PPP1R9B: variants seen among roughly 807,000 people sequenced by gnomAD.
PPP1R9B encodes the protein protein phosphatase 1 regulatory subunit 9B.
PPP1R9B carries 17 observed loss-of-function variants against 75.8 expected under a neutral mutation model. The observed-to-expected ratio is 0.22, with a 90% CI of 0.15 to 0.34. PPP1R9B has a LOEUF of 0.34. Ranked by LOEUF, PPP1R9B falls within the 10% of genes least tolerant of loss-of-function variation. The pLI is 1.00. For missense variants in PPP1R9B, 875 were observed against 1,196.0 expected (o/e 0.73, Z 3.96); for synonymous variants, 509 against 535.4 (o/e 0.95, Z 0.68).
intron 3 of PPP1R9B, among the ~76,000 whole-genome samples, chr17:50,143,305 C>A (rs761645306): frequency 1.2e-4 from 18 of 152,200 alleles, no homozygotes; most frequent in Non-Finnish European, 2.2e-4. Context: ...AGGGCCCAAA[C>A]TGTACTCCAG....
intron 1 of PPP1R9B, among the ~76,000 whole-genome samples, chr17:50,147,019 C>T (rs1397888948): frequency 2.0e-5 from 3 of 152,198 alleles, no homozygotes; most frequent in Non-Finnish European, 4.4e-5. Context: ...CCTGAGTCAA[C>T]GAAACCCCTC....
chr17:50,143,509 G>A (rs1001233161), intron 3 of PPP1R9B, 89 bp downstream of exon 3: 27 of 1,480,830 alleles, frequency 1.8e-5, no homozygotes, highest in Middle Eastern at 2.2e-4. Flanking sequence ...GGGAAGGCCC[G>A]CCCCACCCCC....
intron 3 of PPP1R9B, among the ~76,000 whole-genome samples, chr17:50,143,178 T>C (rs904588999): frequency 1.2e-4 from 19 of 152,324 alleles, no homozygotes; most frequent in Admixed American, 9.8e-4. Context: ...ACTTCTCAAG[T>C]GCGCCAGGCC....
At position 50,150,484 on chromosome 17, in the gene PPP1R9B, C is replaced by A. The variant is rs1246112551; in HGVS notation, c.30G>T (p.Gly10=). The A allele has an allele frequency of 3.7e-6, 5 of 1,364,306 alleles. No homozygotes were observed. The highest frequency in any genetic ancestry group is 4.7e-6 in the Non-Finnish European group (5 of 1,054,238). 84.5% of individuals were successfully genotyped at this position (1,364,306 alleles called of 1,614,324 possible). A position where few individuals can be genotyped will look rare whatever the true frequency, so the allele number is the denominator to read the frequency against. The change falls in exon 1 of 10, where the codon GGG becomes GGT. Residue 10 remains glycine (G), a synonymous_variant. Coordinates refer to ENST00000612501, the MANE Select transcript of PPP1R9B (RefSeq NM_032595.5). The surrounding 1 kb of genome is among the most constrained non-coding windows in gnomAD (Gnocchi z 8.7). MMKTEPRGP[G]GPLRSASPHR... ...GCGGGGAGGCGCTCCGGAGGGGACC[C>A]CCGGGCCCCCGTGGCTCCGTCTTCA...
chr17:50,141,176 C>T, intron 4 of PPP1R9B, 93 bp downstream of exon 4: 1 of 842,406 alleles, frequency 1.2e-6, no homozygotes, highest in Non-Finnish European at 1.9e-6. Context: ...AGCTGGGCCA[C>T]CAGAACCTTA....
chr17:50,138,472 TG>T (rs769810556), intron 7 of PPP1R9B, among the ~76,000 whole-genome samples: 6 of 151,880 alleles, frequency 4.0e-5, no homozygotes, highest in Admixed American at 2.6e-4. Flanking sequence ...ACTATGTGCC[TG>T]GGGCCAGGCT....
At chr17:50,147,878 C>T (rs1260947764) in intron 1 of PPP1R9B, among the ~76,000 whole-genome samples, 12 of 151,966 alleles carry the variant, frequency 7.9e-5, no homozygotes, top group Non-Finnish European at 1.5e-4. Context: ...ACATTCTGGG[C>T]GAGTGAGAGG....
rs375949247 is a variant in PPP1R9B at position 50,149,324 on chromosome 17, G to C, written c.1190C>G (p.Ala397Gly). 12 of 1,613,362 alleles carry C rather than the reference G, an allele frequency of 7.4e-6. No homozygotes were observed. The highest frequency in any genetic ancestry group is 1.0e-5 in the Non-Finnish European group (12 of 1,179,758). Residue 397 changes from alanine (A) to glycine (G), a missense_variant, in exon 1 of 10, where the codon GCC (alanine) becomes GGC (glycine). Coordinates refer to ENST00000612501, the MANE Select transcript of PPP1R9B (RefSeq NM_032595.5). This position sits in a 1 kb window ranked among gnomAD's most constrained non-coding sequence, Gnocchi z 7.2. The part of the protein sequence containing the change: ...FSEADLVDVS[A>G]YSGLGEDSAG... ...AGAGTCCTCCCCGAGCCCACTGTAGGCGCTCACGTCCACCAAGTCCGCCTC... is the reference window on the plus strand; with the variant it reads ...AGAGTCCTCCCCGAGCCCACTGTAGCCGCTCACGTCCACCAAGTCCGCCTC...
At chr17:50,141,752 T>C (rs1160599618) in intron 3 of PPP1R9B, among the ~76,000 whole-genome samples, 1 of 152,032 alleles carries the variant, frequency 6.6e-6, no homozygotes, top group South Asian at 2.1e-4. Context: ...CCTGGTACTT[T>C]GTCTACCTGC....
Position 50,135,271 on chromosome 17 carries a change from CAG to C in PPP1R9B, c.*58_*59del. ...AGGGGGAGGGGTGGGGTGTTGAGGA[CAG>C]GGGAGGGAGGACAATGGGAGGGGGG... On this transcript the variant is annotated 3_prime_UTR_variant, in exon 10 of 10. Coordinates refer to ENST00000612501, the MANE Select transcript of PPP1R9B (RefSeq NM_032595.5). 7.0e-7 allele frequency: 1 copy of C among 1,428,012 alleles called. No individual in the cohort carries two copies. Among genetic ancestry groups the C allele is most frequent in the Non-Finnish European group, 9.7e-7 (1 of 1,027,186 alleles). 88.5% of individuals were successfully genotyped at this position (1,428,012 alleles called of 1,614,324 possible).
Position 50,150,393 on chromosome 17 carries a change from C to A in PPP1R9B, c.121G>T (p.Ala41Ser). The A allele has an allele frequency of 7.1e-7, 1 of 1,401,622 alleles. No homozygotes were observed. Among genetic ancestry groups the A allele is most frequent in the Non-Finnish European group, 9.3e-7 (1 of 1,076,022 alleles). The allele number at this position is 1,401,622 out of a possible 1,614,324, so 86.8% of individuals were successfully genotyped here. A position where few individuals can be genotyped will look rare whatever the true frequency, so the allele number is the denominator to read the frequency against. The part of the protein sequence containing the change: ...KPPDAPGPDE[A>S]PKGAHHKKYG... ...TTCTTGTGGTGGGCCCCCTTGGGTG[C>A]CTCGTCGGGCCCGGGCGCGTCGGGC... The change falls in exon 1 of 10, where the codon GCA becomes TCA. Residue 41 changes from alanine (A) to serine (S), a missense_variant. Physicochemically the swap from Ala to Ser is moderately conservative, Grantham distance 99. Coordinates refer to ENST00000612501, the MANE Select transcript of PPP1R9B (RefSeq NM_032595.5). The surrounding 1 kb of genome is among the most constrained non-coding windows in gnomAD (Gnocchi z 8.7).
rs1912667642 is a variant in PPP1R9B at position 50,150,483 on chromosome 17, C to T, written c.31G>A (p.Gly11Ser). The T allele has an allele frequency of 7.3e-7, 1 of 1,364,028 alleles. No individual in the cohort carries two copies. The highest frequency in any genetic ancestry group is 9.5e-7 in the Non-Finnish European group (1 of 1,054,008). 84.5% of individuals were successfully genotyped at this position (1,364,028 alleles called of 1,614,324 possible). MMKTEPRGPG[G>S]PLRSASPHRS... The stretch of plus-strand genomic sequence containing the variant: ...TGCGGGGAGGCGCTCCGGAGGGGAC[C>T]CCCGGGCCCCCGTGGCTCCGTCTTC... The change falls in exon 1 of 10, where the codon GGT becomes AGT. Residue 11 changes from glycine (G) to serine (S), a missense_variant. By Grantham distance (56) the Gly-to-Ser change is moderately conservative. Coordinates refer to ENST00000612501, the MANE Select transcript of PPP1R9B (RefSeq NM_032595.5). The surrounding 1 kb of genome is among the most constrained non-coding windows in gnomAD (Gnocchi z 8.7).
At position 50,144,471 on chromosome 17, in the gene PPP1R9B, C is replaced by T. The variant is rs542460813; in HGVS notation, c.1504+642G>A. ...ACAGCCTGGTGTGGTCTTTCTAGAC[C>T]TTTCCTGTGCTTCGAAATGGCTCCC... On this transcript the variant is annotated intron_variant, in intron 2 of 9. Coordinates refer to ENST00000612501, the MANE Select transcript of PPP1R9B (RefSeq NM_032595.5). 4.0e-4 allele frequency among the ~76,000 whole-genome samples: 61 copies of T among 152,306 alleles called. 1 individual carries two copies. The South Asian group carries it at 9.1e-3, about 23-fold the overall frequency.
At chr17:50,143,835 C>A in intron 2 of PPP1R9B, 117 bp from the exon 3 acceptor site, 2 of 1,389,862 alleles carry the variant, frequency 1.4e-6, no homozygotes, top group Non-Finnish European at 2.0e-6. Flanking sequence ...TAGGGGATGT[C>A]CCACAACTGA....
At position 50,138,153 on chromosome 17, in the gene PPP1R9B, CGTGTGTGTGTGTGT is replaced by C. The variant is rs58489923; in HGVS notation, c.2073+1096_2073+1109del. ...CTTGTGTAAGCATCTGTGTATACTA[CGTGTGTGTGTGTGT>C]GTGTGTGTGTGTGTGTGTGTGTGTG... On this transcript the variant is annotated intron_variant, in intron 7 of 9. Coordinates refer to ENST00000612501, the MANE Select transcript of PPP1R9B (RefSeq NM_032595.5). 5.1e-3 allele frequency among the ~76,000 whole-genome samples: 745 copies of C among 146,416 alleles called. 7 individuals carry two copies. The highest frequency in any genetic ancestry group is 0.017 in the African/African-American group (687 of 39,980).
At position 50,135,161 on chromosome 17, in the gene PPP1R9B, T is replaced by G; in HGVS notation, c.*170A>C. On this transcript the variant is annotated 3_prime_UTR_variant, in exon 10 of 10. Coordinates refer to ENST00000612501, the MANE Select transcript of PPP1R9B (RefSeq NM_032595.5). The stretch of plus-strand genomic sequence containing the variant: ...CTGCCCAGGCCATCTTAAGGGGGCC[T>G]GTGATATGAGCCCTCTGGTCCCTGA... The G allele has an allele frequency of 1.6e-6, 1 of 607,512 alleles. No homozygotes were observed. The highest frequency in any genetic ancestry group is 2.9e-6 in the Non-Finnish European group (1 of 343,062). The allele number at this position is 607,512 out of a possible 1,614,324, so 37.6% of individuals were successfully genotyped here. A position where few individuals can be genotyped will look rare whatever the true frequency, so the allele number is the denominator to read the frequency against.
chr17:50,147,259 C>T (rs1193179204), intron 1 of PPP1R9B, among the ~76,000 whole-genome samples: 1 of 152,242 alleles, frequency 6.6e-6, no homozygotes, highest in African/African-American at 2.4e-5. Context: ...TAGGGGAGGT[C>T]CCACCTCCCT....
In PPP1R9B at chr17:50,139,232, C is replaced by T. The variant is rs1186667946; in HGVS notation, c.2073+31G>A. ...CTGCTCCTCAACACACACATGCACG[C>T]ACGCAAAAGCACACACATACGCACC... On this transcript the variant is annotated intron_variant, in intron 7 of 9. Coordinates refer to ENST00000612501, the MANE Select transcript of PPP1R9B (RefSeq NM_032595.5). This position sits in a 1 kb window ranked among gnomAD's most constrained non-coding sequence, Gnocchi z 5.0. The T allele has an allele frequency of 6.2e-7, 1 of 1,613,776 alleles. No homozygotes were observed. The highest frequency in any genetic ancestry group is 1.3e-5 in the African/African-American group (1 of 75,060).
At chr17:50,145,282 G>A (rs940155261) in intron 1 of PPP1R9B, 37 bp from the exon 2 acceptor site, 14 of 1,609,770 alleles carry the variant, frequency 8.7e-6, no homozygotes, top group Non-Finnish European at 1.1e-5. Flanking sequence ...AGGCCGGCAG[G>A]AGGACAAGTG....
Sources: allele counts gnomAD v4.1 joint callset (sites outside exome capture counted in the v4.1 genomes callset), GRCh38; gene constraint gnomAD v4.1.1; non-coding constraint Gnocchi (gnomAD v3.1); transcripts MANE v1.5; gene names NCBI Gene and HGNC (gene_info 2026-07-23, HGNC 2026-07-21).